The following PIWIL3 variants were observed in gnomAD, a reference collection of about 807,000 sequenced individuals.
PIWIL3 encodes piwi-like protein 3.
PIWIL3 carries 101 observed loss-of-function variants against 109.7 expected under a neutral mutation model. The observed-to-expected ratio is 0.92, with a 90% confidence interval of 0.78 to 1.09. PIWIL3 has a LOEUF of 1.09. Among genes scored for constraint, PIWIL3 ranks in the 50% least tolerant of loss-of-function variants. PIWIL3 has a pLI of 0.00. For missense variants in PIWIL3, 1,031 were observed against 1,072.6 expected, an observed-to-expected ratio of 0.96 and a Z score of 0.54; for synonymous variants, 373 against 376.4, an observed-to-expected ratio of 0.99 and a Z score of 0.10.
intron 18 of PIWIL3, among the ~76,000 whole-genome samples, chr22:24,724,655 T>G (rs1409514990): frequency 1.3e-5 from 2 of 152,086 alleles, no homozygotes; most frequent in African/African-American, 4.8e-5. Context: ...CAGCCTGGTC[T>G]TGAACTCCTA....
Position 24,754,122 on chromosome 22 carries a change from C to T in PIWIL3, c.869G>A (p.Arg290Gln), listed in dbSNP as rs748965457. 1.6e-5 allele frequency: 26 copies of T among 1,613,568 alleles called. No individual in the cohort carries two copies. The highest frequency in any genetic ancestry group is 1.4e-4 in the South Asian group (13 of 91,082). ...TATGAAATCATAAGCAGTTTCTATT[C>T]GGAGCAGTTTGTGGCTCACATCGGC... ...LCADVSHKLLRIETAYDFIKR... is the reference protein window; with the variant it reads ...LCADVSHKLLQIETAYDFIKR... Residue 290 changes from arginine (R) to glutamine (Q), a missense_variant, in exon 8 of 21, where the codon CGA becomes CAA. Transcript: ENST00000616349.
intron 12 of PIWIL3, among the ~76,000 whole-genome samples, chr22:24,739,386 C>T (rs2147672918): frequency 6.6e-6 from 1 of 152,230 alleles, no homozygotes; most frequent in South Asian, 2.1e-4. Context: ...ACAACTACTT[C>T]AAGGCATTTG....
chr22:24,752,670 T>G (rs950234526), intron 8 of PIWIL3, among the ~76,000 whole-genome samples: 2 of 152,184 alleles, frequency 1.3e-5, no homozygotes, highest in Non-Finnish European at 2.9e-5. Flanking sequence ...TTCCTTAGTG[T>G]GAGACAAACC....
chr22:24,762,490 T>C lies in PIWIL3; in HGVS notation c.10A>G (p.Arg4Gly). The change falls in exon 2 of 21, where the codon AGG becomes GGG. Residue 4 changes from arginine (R) to glycine (G), a missense_variant. Coordinates refer to ENST00000616349, the MANE Select transcript of PIWIL3 (RefSeq NM_001255975.1). MPG[R>G]ARTRARGRAR... ...CTGCCTCGGGCGCGAGTCCTTGCCC[T>C]ACCAGGCATTGTGGTCCTGAAGGTG... The C allele has an allele frequency of 6.2e-7, 1 of 1,612,540 alleles. No homozygotes were observed. The highest frequency in any genetic ancestry group is 8.5e-7 in the Non-Finnish European group (1 of 1,179,514).
At chr22:24,742,885 A>T (rs1924092926) in intron 12 of PIWIL3, among the ~76,000 whole-genome samples, 1 of 152,208 alleles carries the variant, frequency 6.6e-6, no homozygotes, top group African/African-American at 2.4e-5. Flanking sequence ...CAACACAAAG[A>T]TAAATCAATG....
intron 14 of PIWIL3, among the ~76,000 whole-genome samples, chr22:24,729,627 TTAAG>T (rs1428723497): frequency 2.6e-5 from 4 of 152,180 alleles, no homozygotes; most frequent in African/African-American, 9.7e-5. Flanking sequence ...AAAATAATTA[TTAAG>T]TTATTTTTAA....
chr22:24,761,887 C>T (rs1925458227), intron 2 of PIWIL3: 1 of 880,886 alleles, frequency 1.1e-6, no homozygotes, highest in African/African-American at 1.8e-5. Flanking sequence ...ACCTGGAAGG[C>T]ATCGTGCTAC....
At chr22:24,733,875 C>T (rs900099354) in intron 14 of PIWIL3, among the ~76,000 whole-genome samples, 3 of 152,124 alleles carry the variant, frequency 2.0e-5, no homozygotes, top group East Asian at 1.9e-4. Flanking sequence ...AAAGTAATTA[C>T]GAGTCTCCAA....
At chr22:24,725,315 C>T (rs1922923594) in intron 17 of PIWIL3, 130 bp downstream of exon 17, 2 of 1,142,812 alleles carry the variant, frequency 1.8e-6, no homozygotes, top group Non-Finnish European at 2.5e-6. Flanking sequence ...GCCAGTAGCA[C>T]CTCCACCCCA....
intron 16 of PIWIL3, 93 bp downstream of exon 16, chr22:24,727,857 A>G: frequency 2.0e-6 from 2 of 1,016,206 alleles, no homozygotes; most frequent in South Asian, 1.6e-5. Context: ...CAAATTCCCA[A>G]CCTCTTGAGT....
intron 4 of PIWIL3, 74 bp from the exon 5 acceptor site, chr22:24,756,779 T>G: frequency 7.5e-7 from 1 of 1,327,046 alleles, no homozygotes; most frequent in Non-Finnish European, 1.1e-6. Flanking sequence ...GACACTACAA[T>G]ATTAAAAGCC....
At chr22:24,740,433 C>T (rs954296867) in intron 12 of PIWIL3, among the ~76,000 whole-genome samples, 7 of 149,202 alleles carry the variant, frequency 4.7e-5, no homozygotes, top group Admixed American at 3.4e-4. Flanking sequence ...CTGTAGTCCC[C>T]GTTGCTTGGG....
At chr22:24,764,173 C>T (rs982645037) in intron 1 of PIWIL3, among the ~76,000 whole-genome samples, 1 of 152,266 alleles carries the variant, frequency 6.6e-6, no homozygotes, top group Non-Finnish European at 1.5e-5. Context: ...GTCCCGGCCT[C>T]TTCTGGCGCC....
At chr22:24,731,524 G>C (rs187526647) in intron 14 of PIWIL3, among the ~76,000 whole-genome samples, 3 of 152,022 alleles carry the variant, frequency 2.0e-5, no homozygotes, top group Non-Finnish European at 4.4e-5. Context: ...GGTGGCGGAC[G>C]CCTGTAGTCC....
At chr22:24,734,983 A>G (rs928246930) in intron 13 of PIWIL3, among the ~76,000 whole-genome samples, 6 of 152,096 alleles carry the variant, frequency 3.9e-5, no homozygotes, top group African/African-American at 9.7e-5. Context: ...AGAAGACTAC[A>G]TACTGTATGA....
At chr22:24,763,939 C>T (rs1234660657) in intron 1 of PIWIL3, among the ~76,000 whole-genome samples, 2 of 152,212 alleles carry the variant, frequency 1.3e-5, no homozygotes, top group African/African-American at 4.8e-5. Context: ...TTCTTGGTCC[C>T]AACACCGCAG....
At chr22:24,744,300 CGGTGG>C (rs1442490864) in intron 12 of PIWIL3, among the ~76,000 whole-genome samples, 1 of 150,880 alleles carries the variant, frequency 6.6e-6, no homozygotes, top group Non-Finnish European at 1.5e-5. Context: ...AGGCCAGGTG[CGGTGG>C]CTCATGCCTG....
At chr22:24,747,253 T>G (rs1251700775) in intron 12 of PIWIL3, among the ~76,000 whole-genome samples, 1 of 151,876 alleles carries the variant, frequency 6.6e-6, no homozygotes, top group Non-Finnish European at 1.5e-5. Flanking sequence ...TGTATATCCA[T>G]ATGCGGAAGA....
intron 12 of PIWIL3, among the ~76,000 whole-genome samples, chr22:24,744,001 C>T (rs1357841206): frequency 6.6e-6 from 1 of 151,164 alleles, no homozygotes; most frequent in Non-Finnish European, 1.5e-5. Flanking sequence ...ACAAAACAAA[C>T]AAGTTATAGC....
Sources: allele counts gnomAD v4.1 joint callset (sites outside exome capture counted in the v4.1 genomes callset), GRCh38; gene constraint gnomAD v4.1.1; transcripts MANE v1.5; gene names NCBI Gene and HGNC (gene_info 2026-07-23, HGNC 2026-07-21).